XPO1: variants seen among roughly 807,000 people sequenced by gnomAD.
The protein encoded by XPO1 is exportin-1.
XPO1 carries 5 observed loss-of-function variants against 133.3 expected under a neutral mutation model. The observed-to-expected ratio is 0.04, with a 90% CI of 0.02 to 0.08. The LOEUF (loss-of-function observed/expected upper bound fraction) is 0.08, where lower values mean the gene tolerates loss of function less well. Ranked by LOEUF, XPO1 falls within the 10% of genes least tolerant of loss-of-function variation. The pLI is 1.00. For missense variants in XPO1, 506 were observed against 1,267.5 expected (o/e 0.40, Z 9.12); for synonymous variants, 419 against 408.2 (o/e 1.03, Z -0.32).
At chr2:61,531,857 A>G (rs1699165806) in intron 2 of XPO1, among the ~76,000 whole-genome samples, 1 of 152,240 alleles carries the variant, frequency 6.6e-6, no homozygotes, top group Non-Finnish European at 1.5e-5. Context: ...TTAGGAGATA[A>G]TATACTGATC....
chr2:61,496,295 T>G (rs1697239141), intron 10 of XPO1, among the ~76,000 whole-genome samples: 2 of 152,134 alleles, frequency 1.3e-5, no homozygotes. Context: ...CATTTTAACT[T>G]TGTATTAATA....
chr2:61,481,328 G>GAGAC (rs771461491), intron 23 of XPO1, 47 bp from the exon 24 acceptor site: 2 of 1,463,902 alleles, frequency 1.4e-6, no homozygotes, highest in East Asian at 4.7e-5. Context: ...TTTTTCCCCC[G>GAGAC]AGACAGAGTA....
At chr2:61,502,496 T>C in intron 4 of XPO1, 186 bp from the exon 5 acceptor site, 3 of 531,102 alleles carry the variant, frequency 5.6e-6, no homozygotes, top group Non-Finnish European at 9.8e-6. Context: ...ACGCTTGTAA[T>C]CCCAGCAATT....
intron 1 of XPO1, among the ~76,000 whole-genome samples, chr2:61,536,010 T>C (rs1699341814): frequency 6.6e-6 from 1 of 152,244 alleles, no homozygotes; most frequent in Non-Finnish European, 1.5e-5. Flanking sequence ...TTTCACCTAT[T>C]TACTACCATA....
At chr2:61,515,346 A>G (rs1698317824) in intron 4 of XPO1, among the ~76,000 whole-genome samples, 1 of 152,236 alleles carries the variant, frequency 6.6e-6, no homozygotes, top group South Asian at 2.1e-4. Context: ...GGAGATCTTC[A>G]GCAGAAGTGA....
chr2:61,506,592 C>A (rs1697826834), intron 4 of XPO1, among the ~76,000 whole-genome samples: 1 of 22,898 alleles, frequency 4.4e-5, no homozygotes, highest in South Asian at 1.1e-3. Flanking sequence ...GAGCAAGATT[C>A]CGTCTCAAAA....
In XPO1 at chr2:61,482,322, G is replaced by C. The variant is rs1696426846; in HGVS notation, c.2972+58C>G. 3.4e-6 allele frequency: 5 copies of C among 1,486,516 alleles called. No individual in the cohort carries two copies. In the South Asian group the frequency reaches 6.7e-5, roughly 20 times the overall value. The allele number at this position is 1,486,516 out of a possible 1,614,324, so 92.1% of individuals were successfully genotyped here. A position where few individuals can be genotyped will look rare whatever the true frequency, so the allele number is the denominator to read the frequency against. On this transcript the variant is annotated intron_variant, in intron 23 of 24. Coordinates refer to ENST00000401558, the MANE Select transcript of XPO1 (RefSeq NM_003400.4). ...GGCTTCCCAAAGTGCTGGGATTACA[G>C]GTGTGAGCCACTGTGCCCGACCAGG...
At position 61,503,005 on chromosome 2, in the gene XPO1, AC is replaced by A. The variant is rs544137436; in HGVS notation, c.302-696del. Among the ~76,000 whole-genome samples the A allele has an allele frequency of 3.1e-3, 447 of 143,642 alleles. 4 individuals carry two copies. Among genetic ancestry groups the A allele is most frequent in the African/African-American group, 0.011 (418 of 37,978 alleles). 94.2% of individuals were successfully genotyped at this position (143,642 alleles called of 152,430 possible). A position where few individuals can be genotyped will look rare whatever the true frequency, so the allele number is the denominator to read the frequency against. On this transcript the variant is annotated intron_variant, in intron 4 of 24. Coordinates refer to ENST00000401558, the MANE Select transcript of XPO1 (RefSeq NM_003400.4). The stretch of plus-strand genomic sequence containing the variant: ...TTTTGAGACGGAGTCCTGTTATGTC[AC>A]ACACACTGGAGTGCAGTGGCACAAT...
chr2:61,499,673 AG>A, intron 7 of XPO1, 39 bp downstream of exon 7: 1 of 1,518,424 alleles, frequency 6.6e-7, no homozygotes, highest in Non-Finnish European at 8.8e-7. Context: ...AAATTGTTTG[AG>A]AAATCACTTT....
chr2:61,533,467 G>C (rs1201352763), intron 2 of XPO1, among the ~76,000 whole-genome samples: 5 of 152,104 alleles, frequency 3.3e-5, no homozygotes, highest in Admixed American at 2.0e-4. Context: ...TAGAAGAATC[G>C]TATTAGTGCC....
chr2:61,495,140 A>C (rs940998243), intron 11 of XPO1, among the ~76,000 whole-genome samples: 1 of 152,102 alleles, frequency 6.6e-6, no homozygotes, highest in South Asian at 2.1e-4. Context: ...TATATCTTTA[A>C]ATGAACAAAT....
chr2:61,495,025 A>G (rs1697178260), intron 11 of XPO1, among the ~76,000 whole-genome samples: 1 of 151,736 alleles, frequency 6.6e-6, no homozygotes. Flanking sequence ...TGTATTTTTA[A>G]TAGAGACAGA....
Position 61,523,494 on chromosome 2 carries a change from C to T in XPO1, c.229-811G>A, listed in dbSNP as rs1698783865. 2.6e-5 allele frequency among the ~76,000 whole-genome samples: 4 copies of T among 152,248 alleles called. No individual in the cohort carries two copies. In the South Asian group the frequency reaches 8.3e-4, roughly 32 times the overall value. ...TTTATAAAGCCCCAGGAGTTACTACCTGAATTACTATGACCAATTAGTGTG... is the reference window on the plus strand; with the variant it reads ...TTTATAAAGCCCCAGGAGTTACTACTTGAATTACTATGACCAATTAGTGTG... On this transcript the variant is annotated intron_variant, in intron 3 of 24. Transcript: ENST00000401558.
intron 24 of XPO1, among the ~76,000 whole-genome samples, chr2:61,479,486 T>TA (rs935375570): frequency 2.2e-4 from 33 of 152,268 alleles, no homozygotes; most frequent in African/African-American, 7.9e-4. Context: ...TGTGATACCT[T>TA]ACAGTAAATA....
At chr2:61,489,343 G>A (rs1346793049) in intron 17 of XPO1, among the ~76,000 whole-genome samples, 1 of 145,180 alleles carries the variant, frequency 6.9e-6, no homozygotes, top group African/African-American at 2.5e-5. Flanking sequence ...AGCTCGGGAG[G>A]CAGAGGTTGC....
intron 19 of XPO1, among the ~76,000 whole-genome samples, chr2:61,487,263 G>T (rs1257474664): frequency 6.6e-6 from 1 of 152,106 alleles, no homozygotes; most frequent in African/African-American, 2.4e-5. Flanking sequence ...GATACCCTTT[G>T]TATTATTCCC....
intron 4 of XPO1, among the ~76,000 whole-genome samples, chr2:61,517,654 G>A (rs1248835525): frequency 2.0e-5 from 3 of 152,132 alleles, no homozygotes; most frequent in Non-Finnish European, 2.9e-5. Context: ...TCTTCCATTT[G>A]ACATATTAAA....
chr2:61,495,709 C>G, intron 10 of XPO1, 96 bp from the exon 11 acceptor site: 2 of 1,265,076 alleles, frequency 1.6e-6, no homozygotes, highest in Non-Finnish European at 2.1e-6. Flanking sequence ...AGGTATCACT[C>G]TGTCCAGGCT....
intron 6 of XPO1, 121 bp downstream of exon 6, chr2:61,501,875 A>G (rs1697544401): frequency 5.4e-6 from 4 of 743,548 alleles, no homozygotes; most frequent in African/African-American, 1.8e-5. Flanking sequence ...ACCTATTATT[A>G]TAAGAATACT....
Sources: allele counts gnomAD v4.1 joint callset (sites outside exome capture counted in the v4.1 genomes callset), GRCh38; gene constraint gnomAD v4.1.1; transcripts MANE v1.5; gene names NCBI Gene and HGNC (gene_info 2026-07-23, HGNC 2026-07-21).